Variants in CRYAB observed in about 807,000 individuals in gnomAD.
The protein encoded by CRYAB is crystallin alpha B.
In CRYAB, 9 loss-of-function variants were observed where a neutral mutation model predicts 12.7. The observed-to-expected ratio is 0.71, with a 90% CI of 0.43 to 1.24. The LOEUF (loss-of-function observed/expected upper bound fraction) is 1.24, where lower values mean the gene tolerates loss of function less well. CRYAB is among the 50% of genes most tolerant of loss of function. CRYAB has a pLI of 0.00. For synonymous variants in CRYAB, 93 were observed against 86.8 expected (o/e 1.07, Z -0.40); for missense variants, 183 against 226.6 (o/e 0.81, Z 1.24).
chr11:111,914,181 T>G, upstream of CRYAB: 1 of 388,242 alleles, frequency 2.6e-6, no homozygotes, highest in Admixed American at 4.2e-5. Flanking sequence ...AAAAAGCTCC[T>G]CAGTTTGATG....
upstream of CRYAB, chr11:111,913,797 C>A (rs781799087): frequency 9.9e-6 from 16 of 1,614,012 alleles, no homozygotes; most frequent in Admixed American, 5.0e-5. Context: ...TCGGGGTGGC[C>A]GACATTTGGA....
upstream of CRYAB, among the ~76,000 whole-genome samples, chr11:111,917,113 C>A (rs1258266876): frequency 6.6e-6 from 1 of 152,180 alleles, no homozygotes; most frequent in Non-Finnish European, 1.5e-5. Flanking sequence ...ATCCTCTTGC[C>A]TCAGTCTCCC....
chr11:111,909,359 C>A lies in CRYAB; in HGVS notation c.325-392G>T, dbSNP rs78041974. 2,750 of 357,360 alleles carry A rather than the reference C, an allele frequency of 7.7e-3. 15 individuals are homozygous for A. Among genetic ancestry groups the A allele is most frequent in the Middle Eastern group, 0.034 (85 of 2,514 alleles). The allele number at this position is 357,360 out of a possible 1,614,324, so 22.1% of individuals were successfully genotyped here. The stretch of plus-strand genomic sequence containing the variant: ...AGGAATGTCCCAGAAGGTTCCAGAA[C>A]AATAGGACTGCTGCTGAAATTAAAA... On this transcript the variant is annotated intron_variant, in intron 2 of 2. Coordinates refer to ENST00000650687, the MANE Select transcript of CRYAB (RefSeq NM_001289808.2).
In CRYAB at chr11:111,908,787, C is replaced by T; in HGVS notation, c.505G>A (p.Val169Ile). ...ATCTATTTCTTGGGGGCTGCGGTGACAGCAGGCTTCTCTTCACGGGTGATG... is the reference window on the plus strand; with the variant it reads ...ATCTATTTCTTGGGGGCTGCGGTGATAGCAGGCTTCTCTTCACGGGTGATG... ...IPITREEKPAVTAAPKK is the reference protein window; with the variant it reads ...IPITREEKPAITAAPKK The change falls in exon 3 of 3, where the codon GTC becomes ATC. Residue 169 changes from valine (V) to isoleucine (I), a missense_variant. This residue lies in a region of CRYAB where 95 missense variants were observed against 112.5 expected (regional missense o/e 0.84). Transcript: ENST00000650687. 1 of 1,613,006 alleles carries T rather than the reference C, an allele frequency of 6.2e-7. No individual in the cohort carries two copies. Among genetic ancestry groups the T allele is most frequent in the Non-Finnish European group, 8.5e-7 (1 of 1,180,024 alleles).
upstream of CRYAB, chr11:111,913,038 C>G: frequency 1.3e-6 from 1 of 743,152 alleles, no homozygotes; most frequent in East Asian, 2.7e-5. Context: ...CTCCTGGGAC[C>G]AGCCACCCCC....
intron 1 of CRYAB, among the ~76,000 whole-genome samples, chr11:111,920,511 C>T (rs782247211): frequency 8.6e-5 from 13 of 151,722 alleles, no homozygotes; most frequent in Admixed American, 3.3e-4. Flanking sequence ...GCAGTCCAGA[C>T]TGGGCAACAG....
chr11:111,922,922 G>T (rs1348556851), intron 1 of CRYAB, among the ~76,000 whole-genome samples: 1 of 152,096 alleles, frequency 6.6e-6, no homozygotes, highest in Non-Finnish European at 1.5e-5. Context: ...TGCCCACTTA[G>T]TTTCCTTAAA....
upstream of CRYAB, chr11:111,912,274 C>T (rs918919471): frequency 1.0e-3 from 189 of 187,262 alleles, no homozygotes; most frequent in African/African-American, 3.9e-3. Context: ...AGCCATCTGC[C>T]TCGTGCCCTG....
upstream of CRYAB, chr11:111,913,372 T>A: frequency 8.2e-7 from 1 of 1,224,242 alleles, no homozygotes; most frequent in East Asian, 2.3e-5. Context: ...CTCTCCAGAT[T>A]TCCCATTTCG....
intron 2 of CRYAB, 125 bp downstream of exon 2, chr11:111,910,202 C>G (rs554248866): frequency 8.4e-7 from 1 of 1,187,256 alleles, no homozygotes; most frequent in African/African-American, 1.5e-5. Flanking sequence ...GATTTGTAAC[C>G]CCTGATCCCG....
rs57155014 is a variant in CRYAB, at chr11:111,909,380, T to TA, written c.325-414dup. ...AGAACAATAGGACTGCTGCTGAAATTAAAAAAAAAAAAAAATGACTCCATC... is the reference window on the plus strand; with the variant it reads ...AGAACAATAGGACTGCTGCTGAAATTAAAAAAAAAAAAAAAATGACTCCATC... On this transcript the variant is annotated intron_variant, in intron 2 of 2. Transcript: ENST00000650687. 1,618 of 319,292 alleles carry TA rather than the reference T, an allele frequency of 5.1e-3. 1 individual carries two copies. The highest frequency in any genetic ancestry group is 7.4e-3 in the South Asian group (281 of 37,892). 19.8% of individuals were successfully genotyped at this position (319,292 alleles called of 1,614,324 possible). A position where few individuals can be genotyped will look rare whatever the true frequency, so the allele number is the denominator to read the frequency against.
At chr11:111,914,135 A>T, upstream of CRYAB, 4 of 459,654 alleles carry the variant, frequency 8.7e-6, no homozygotes, top group Admixed American at 3.8e-5. Flanking sequence ...GGAAGCTGGG[A>T]TGGGGAGGGA....
chr11:111,913,222 T>C, upstream of CRYAB: 3 of 555,192 alleles, frequency 5.4e-6, no homozygotes, highest in South Asian at 6.1e-5. Flanking sequence ...CTCCCCCTCC[T>C]CCTCCTTCTC....
upstream of CRYAB, among the ~76,000 whole-genome samples, chr11:111,915,748 T>C (rs1412705952): frequency 2.0e-5 from 3 of 152,094 alleles, no homozygotes; most frequent in Non-Finnish European, 4.4e-5. Flanking sequence ...TCCATGTTCT[T>C]TCTTTTCTTT....
chr11:111,910,354 C>T lies in CRYAB; in HGVS notation c.297G>A (p.Glu99=). 6.2e-7 allele frequency: 1 copy of T among 1,614,174 alleles called. No individual in the cohort carries two copies. Among genetic ancestry groups the T allele is most frequent in the Non-Finnish European group, 8.5e-7 (1 of 1,180,020 alleles). Residue 99 remains glutamate (E), a synonymous_variant, in exon 2 of 3, where the codon GAG becomes GAA. Transcript: ENST00000650687. ...GGCGCTCTTCATGTTTTCCATGCAC[C>T]TCAATCACATCTCCCAACACCTTAA... is the stretch of plus-strand genomic sequence containing the variant. ...LKVKVLGDVI[E]VHGKHEERQD...
intron 1 of CRYAB, among the ~76,000 whole-genome samples, chr11:111,921,838 A>ATT (rs34183951): frequency 2.0e-5 from 3 of 148,132 alleles, no homozygotes; most frequent in Admixed American, 6.7e-5. Flanking sequence ...TATCATACTC[A>ATT]TTTTTTTTTT....
At chr11:111,914,466 A>G (rs587767162), upstream of CRYAB, among the ~76,000 whole-genome samples, 18 of 152,282 alleles carry the variant, frequency 1.2e-4, no homozygotes, top group Non-Finnish European at 2.4e-4. Context: ...AGAGTTGCCT[A>G]AAGTCCTGGA....
At chr11:111,918,990 C>A (rs782756148) in intron 1 of CRYAB, 1 of 1,614,078 alleles carries the variant, frequency 6.2e-7, no homozygotes, top group Non-Finnish European at 8.5e-7. Flanking sequence ...ACCGGGTCTG[C>A]TGCGGAGGAA....
intron 1 of CRYAB, among the ~76,000 whole-genome samples, chr11:111,921,798 T>G (rs1555166586): frequency 6.6e-6 from 1 of 152,234 alleles, no homozygotes; most frequent in Non-Finnish European, 1.5e-5. Flanking sequence ...ATTTAATCCT[T>G]ACAATAATCC....
Sources: allele counts gnomAD v4.1 joint callset (sites outside exome capture counted in the v4.1 genomes callset), GRCh38; gene constraint gnomAD v4.1.1; regional missense constraint gnomAD v4.1.1; transcripts MANE v1.5; gene names NCBI Gene and HGNC (gene_info 2026-07-23, HGNC 2026-07-21).